COMMD10: variants seen among roughly 807,000 people sequenced by gnomAD.
COMMD10 encodes COMM domain-containing protein 10.
COMMD10 carries 33 observed loss-of-function variants against 28.9 expected under a neutral mutation model. That is an observed-to-expected ratio of 1.14 (90% CI 0.87 to 1.53). The LOEUF (loss-of-function observed/expected upper bound fraction) is 1.53, where lower values mean the gene tolerates loss of function less well. Ranked by LOEUF, COMMD10 falls within the 40% of genes most tolerant of loss-of-function variation. The pLI is 0.00. For synonymous variants in COMMD10, 110 were observed against 81.7 expected (o/e 1.35, Z -1.87); for missense variants, 310 against 233.4 (o/e 1.33, Z -2.14).
chr5:116,146,638 A>G (rs1167660335), intron 5 of COMMD10, among the ~76,000 whole-genome samples: 2 of 151,866 alleles, frequency 1.3e-5, no homozygotes, highest in East Asian at 1.9e-4. Context: ...GATTTTAAGC[A>G]TGTTTACGGT....
At chr5:116,207,819 A>G (rs1316935549) in intron 5 of COMMD10, among the ~76,000 whole-genome samples, 1 of 152,148 alleles carries the variant, frequency 6.6e-6, no homozygotes, top group Non-Finnish European at 1.5e-5. Flanking sequence ...ATGCCCTGCC[A>G]AAAATCAGTA....
At chr5:116,248,108 G>C (rs1750007305) in intron 5 of COMMD10, among the ~76,000 whole-genome samples, 1 of 150,504 alleles carries the variant, frequency 6.6e-6, no homozygotes, top group Non-Finnish European at 1.5e-5. Context: ...TTTTACTGCT[G>C]TGAGTAGAAA....
chr5:116,204,616 T>G (rs1748764298), intron 5 of COMMD10, among the ~76,000 whole-genome samples: 1 of 152,158 alleles, frequency 6.6e-6, no homozygotes, highest in Non-Finnish European at 1.5e-5. Flanking sequence ...TTTATTTGAA[T>G]TTACAGAATA....
At chr5:116,259,651 A>G (rs1268786438) in intron 5 of COMMD10, among the ~76,000 whole-genome samples, 1 of 151,624 alleles carries the variant, frequency 6.6e-6, no homozygotes, top group Non-Finnish European at 1.5e-5. Context: ...TTCTTGTACT[A>G]TGTAGATTCT....
intron 1 of COMMD10, among the ~76,000 whole-genome samples, chr5:116,086,864 C>T (rs1317255786): frequency 6.6e-6 from 1 of 152,158 alleles, no homozygotes; most frequent in Non-Finnish European, 1.5e-5. Context: ...GTAGTTCTAG[C>T]TACTTGGGAG....
At chr5:116,256,450 C>G (rs987534496) in intron 5 of COMMD10, among the ~76,000 whole-genome samples, 1 of 151,602 alleles carries the variant, frequency 6.6e-6, no homozygotes, top group African/African-American at 2.4e-5. Context: ...TAGAAATTAC[C>G]TTTCCCTTTG....
At chr5:116,161,646 A>T (rs975702348) in intron 5 of COMMD10, among the ~76,000 whole-genome samples, 1 of 152,198 alleles carries the variant, frequency 6.6e-6, no homozygotes, top group African/African-American at 2.4e-5. Context: ...GTTATTAAGA[A>T]AATCATAAGG....
intron 5 of COMMD10, among the ~76,000 whole-genome samples, chr5:116,154,075 A>G (rs1029264628): frequency 6.6e-6 from 1 of 152,068 alleles, no homozygotes; most frequent in African/African-American, 2.4e-5. Context: ...CCCTTGGAAC[A>G]GACAGGCAGT....
intron 5 of COMMD10, among the ~76,000 whole-genome samples, chr5:116,171,963 C>G (rs775519045): frequency 4.6e-5 from 7 of 152,112 alleles, no homozygotes; most frequent in Non-Finnish European, 8.8e-5. Context: ...TATCCTAGAA[C>G]TTAAATTATA....
intron 5 of COMMD10, among the ~76,000 whole-genome samples, chr5:116,224,210 C>T (rs1749334849): frequency 6.6e-6 from 1 of 152,144 alleles, no homozygotes; most frequent in African/African-American, 2.4e-5. Context: ...AATCTTGCTA[C>T]TCAAATAAAT....
intron 5 of COMMD10, among the ~76,000 whole-genome samples, chr5:116,208,440 C>T (rs1038693351): frequency 6.6e-6 from 1 of 152,128 alleles, no homozygotes; most frequent in African/African-American, 2.4e-5. Flanking sequence ...CCTTGGTATG[C>T]ACTGTGCAGT....
At chr5:116,123,412 A>T (rs1041099109) in intron 4 of COMMD10, among the ~76,000 whole-genome samples, 2 of 152,178 alleles carry the variant, frequency 1.3e-5, no homozygotes, top group Admixed American at 1.3e-4. Context: ...TATCCCAGGG[A>T]TGAAGCCGAC....
rs189896177 is a variant in COMMD10, at chr5:116,129,066, C to A, written c.400-5002C>A. 4.3e-3 allele frequency among the ~76,000 whole-genome samples: 653 copies of A among 151,878 alleles called. 5 individuals carry two copies. The highest frequency in any genetic ancestry group is 0.01 in the Middle Eastern group (3 of 294). On this transcript the variant is annotated intron_variant, in intron 4 of 6. Coordinates refer to ENST00000274458, the MANE Select transcript of COMMD10 (RefSeq NM_016144.4). Reference sequence around the variant, plus strand: ...GATACTTTGTGACTATGTAAACATACAATTCCACGTGAGACTTTCTCCACT... The same window carrying A: ...GATACTTTGTGACTATGTAAACATAAAATTCCACGTGAGACTTTCTCCACT...
At position 116,166,655 on chromosome 5, in the gene COMMD10, C is replaced by T. The variant is rs148067920; in HGVS notation, c.510+32477C>T. On this transcript the variant is annotated intron_variant, in intron 5 of 6. Coordinates refer to ENST00000274458, the MANE Select transcript of COMMD10 (RefSeq NM_016144.4). Reference sequence around the variant, plus strand: ...AACTTCCAGAGGAAGGAACAGGCAGCAATCTTTGCTGTTTTGCAGCCTCCT... The same window carrying T: ...AACTTCCAGAGGAAGGAACAGGCAGTAATCTTTGCTGTTTTGCAGCCTCCT... Among the ~76,000 whole-genome samples, 31 of 152,272 alleles carry T rather than the reference C, an allele frequency of 2.0e-4. 1 individual carries two copies. In the East Asian group the frequency reaches 5.8e-3, roughly 29 times the overall value.
intron 5 of COMMD10, among the ~76,000 whole-genome samples, chr5:116,220,770 C>A (rs74373821): frequency 4.6e-5 from 7 of 152,066 alleles, no homozygotes; most frequent in Admixed American, 6.5e-5. Flanking sequence ...ACAGCTTATA[C>A]CTATTACCCT....
intron 5 of COMMD10, among the ~76,000 whole-genome samples, chr5:116,246,318 C>T (rs1467811773): frequency 6.6e-6 from 1 of 152,012 alleles, no homozygotes; most frequent in Non-Finnish European, 1.5e-5. Context: ...CAAAACACTG[C>T]TTAAAGAAAT....
At chr5:116,107,484 G>A (rs900536295) in intron 4 of COMMD10, among the ~76,000 whole-genome samples, 7 of 151,992 alleles carry the variant, frequency 4.6e-5, no homozygotes, top group African/African-American at 1.7e-4. Context: ...ATTGATACTT[G>A]TGTATGCTTC....
At chr5:116,288,886 T>C (rs254170) in intron 5 of COMMD10, among the ~76,000 whole-genome samples, 38,163 of 126,832 alleles carry the variant, frequency 0.3, 4,759 homozygotes, top group East Asian at 0.47. Flanking sequence ...TTTTTTTTTT[T>C]TTTTTTTTTT....
intron 4 of COMMD10, among the ~76,000 whole-genome samples, chr5:116,104,746 A>C (rs1013384488): frequency 1.3e-5 from 2 of 151,452 alleles, no homozygotes; most frequent in African/African-American, 4.9e-5. Flanking sequence ...CAGCCTCCCT[A>C]GTAGCTGGGA....
Sources: gnomAD v4.1 joint callset for allele counts (sites outside exome capture counted in the v4.1 genomes callset) on GRCh38, gnomAD v4.1.1 for gene constraint, MANE v1.5 for transcripts, NCBI Gene and HGNC (gene_info 2026-07-23, HGNC 2026-07-21) for gene names.